The following GPC3 variants were observed in gnomAD, a reference collection of about 807,000 sequenced individuals.
The protein encoded by GPC3 is glypican 3, also known as glypican-3.
In GPC3, 3 loss-of-function variants were observed where a neutral mutation model predicts 34.4. That is an observed-to-expected ratio of 0.09 (90% CI 0.04 to 0.23). The LOEUF (loss-of-function observed/expected upper bound fraction) is 0.23. Ranked by LOEUF, GPC3 falls within the 10% of genes least tolerant of loss-of-function variation. The pLI, the probability that GPC3 is intolerant of heterozygous loss-of-function variation, is 1.00. For missense variants in GPC3, 351 were observed against 445.6 expected (o/e 0.79, Z 1.91); for synonymous variants, 177 against 174.0 (o/e 1.02, Z -0.13).
intron 2 of GPC3, among the ~76,000 whole-genome samples, chrX:133,921,914 TC>T (rs2076250028): frequency 8.9e-6 from 1 of 112,274 alleles, no homozygotes; most frequent in Admixed American, 9.4e-5. Context: ...TACTTCTTTC[TC>T]CCCGCAACAA....
chrX:133,583,624 C>A (rs1444336058), intron 7 of GPC3, among the ~76,000 whole-genome samples: 1 of 111,767 alleles, frequency 8.9e-6, no homozygotes, highest in Admixed American at 9.5e-5. Context: ...CTCGGCCTCC[C>A]AAAGTGGTGG....
intron 2 of GPC3, among the ~76,000 whole-genome samples, chrX:133,863,465 T>C (rs1041911781): frequency 1.8e-5 from 2 of 110,204 alleles, no homozygotes; most frequent in Non-Finnish European, 3.8e-5. Context: ...TATTCAGAGA[T>C]AGCCTTAGCA....
intron 6 of GPC3, among the ~76,000 whole-genome samples, chrX:133,615,781 CAA>C (rs759260549): frequency 1.0e-5 from 1 of 99,255 alleles, no homozygotes. Flanking sequence ...AAATGCAATC[CAA>C]AAAAAAAAGA....
intron 6 of GPC3, among the ~76,000 whole-genome samples, chrX:133,605,173 G>T (rs371848698): frequency 5.5e-4 from 49 of 88,629 alleles, no homozygotes; most frequent in Non-Finnish European, 5.6e-4. Flanking sequence ...CTTCACACGT[G>T]GGGGGGGGGC....
chrX:133,664,832 C>T (rs1276739729), intron 5 of GPC3, among the ~76,000 whole-genome samples: 3 of 107,670 alleles, frequency 2.8e-5, no homozygotes, highest in Admixed American at 2.0e-4. Context: ...AAAAAATAGC[C>T]GGGCGTGGTG....
At chrX:133,646,284 T>A (rs2070544538) in intron 6 of GPC3, among the ~76,000 whole-genome samples, 1 of 111,092 alleles carries the variant, frequency 9.0e-6, no homozygotes, top group South Asian at 3.8e-4. Context: ...ATCGGCTACA[T>A]AGAAGAGAGT....
chrX:133,859,984 G>A (rs73567087), intron 2 of GPC3, among the ~76,000 whole-genome samples: 4,818 of 110,267 alleles, frequency 0.044, 254 homozygotes, highest in African/African-American at 0.15. Context: ...GTGGTGCCAC[G>A]CTCTTTTTAG....
chrX:133,759,016 T>C (rs1170227938), intron 2 of GPC3, among the ~76,000 whole-genome samples: 1 of 111,137 alleles, frequency 9.0e-6, no homozygotes, highest in Non-Finnish European at 1.9e-5. Context: ...TCAGCACTCC[T>C]ATTCAACATT....
At chrX:133,697,068 G>A (rs1246852775) in intron 4 of GPC3, among the ~76,000 whole-genome samples, 1 of 112,353 alleles carries the variant, frequency 8.9e-6, no homozygotes, top group African/African-American at 3.2e-5. Flanking sequence ...TGCAGGGGAG[G>A]AGATTGCCTT....
At chrX:133,648,261 G>GT (rs11318287) in intron 6 of GPC3, among the ~76,000 whole-genome samples, 13 of 82,772 alleles carry the variant, frequency 1.6e-4, no homozygotes, top group African/African-American at 3.0e-4. Context: ...ATACTATGAG[G>GT]TTTTTTTTTT....
At chrX:133,635,191 T>C (rs375997005) in intron 6 of GPC3, among the ~76,000 whole-genome samples, 3 of 111,980 alleles carry the variant, frequency 2.7e-5, no homozygotes, top group African/African-American at 6.5e-5. Flanking sequence ...AGTAAACTCC[T>C]TGCTCTGTAG....
intron 3 of GPC3, among the ~76,000 whole-genome samples, chrX:133,740,704 G>A (rs937667225): frequency 9.0e-6 from 1 of 111,462 alleles, no homozygotes; most frequent in African/African-American, 3.3e-5. Flanking sequence ...AAGACACAGA[G>A]CTTGGTATTT....
chrX:133,614,642 C>T (rs1464481159), intron 6 of GPC3, among the ~76,000 whole-genome samples: 1 of 111,455 alleles, frequency 9.0e-6, no homozygotes, highest in Non-Finnish European at 1.9e-5. Context: ...GGACACTAGA[C>T]AGTAACCCAC....
At chrX:133,834,794 T>C (rs1311419072) in intron 2 of GPC3, among the ~76,000 whole-genome samples, 1 of 112,188 alleles carries the variant, frequency 8.9e-6, no homozygotes, top group African/African-American at 3.2e-5. Context: ...TATTGTTCCT[T>C]TGCAAAACTA....
intron 2 of GPC3, among the ~76,000 whole-genome samples, chrX:133,838,613 C>T (rs2075809902): frequency 8.9e-6 from 1 of 112,428 alleles, no homozygotes; most frequent in Non-Finnish European, 1.9e-5. Context: ...ATTTCTCCAT[C>T]CTTTATACAT....
chrX:133,937,095 A>T (rs1042463706), intron 2 of GPC3, among the ~76,000 whole-genome samples: 41 of 110,479 alleles, frequency 3.7e-4, no homozygotes, highest in Non-Finnish European at 7.0e-4. Context: ...TATCTGGTCT[A>T]ACCCTACATC....
intron 7 of GPC3, among the ~76,000 whole-genome samples, chrX:133,595,425 TA>T (rs1290554776): frequency 3.6e-5 from 4 of 112,151 alleles, no homozygotes; most frequent in African/African-American, 1.3e-4. Context: ...GAAAGTACTC[TA>T]AACTGTGATA....
chrX:133,708,454 T>C (rs952323665), intron 3 of GPC3, among the ~76,000 whole-genome samples: 3 of 111,679 alleles, frequency 2.7e-5, no homozygotes, highest in Non-Finnish European at 3.8e-5. Flanking sequence ...CTTTATCATT[T>C]GTACATTTAT....
intron 4 of GPC3, among the ~76,000 whole-genome samples, chrX:133,698,083 G>A (rs1345173946): frequency 3.6e-5 from 4 of 112,006 alleles, no homozygotes; most frequent in African/African-American, 1.3e-4. Context: ...CCATAGATTC[G>A]GCATTTGAAC....
Sources: gnomAD v4.1 joint callset for allele counts (sites outside exome capture counted in the v4.1 genomes callset) on GRCh38, gnomAD v4.1.1 for gene constraint, MANE v1.5 for transcripts, NCBI Gene and HGNC (gene_info 2026-07-23, HGNC 2026-07-21) for gene names.